The following ITSN2 variants were observed in gnomAD, a reference collection of about 807,000 sequenced individuals.
The protein encoded by ITSN2 is intersectin 2.
In ITSN2, 156 loss-of-function variants were observed where a neutral mutation model predicts 243.7. The ratio of observed to expected loss-of-function variants is 0.64; its 90% CI spans 0.56 to 0.73. The LOEUF (loss-of-function observed/expected upper bound fraction) is 0.73, where lower values mean the gene tolerates loss of function less well. Ranked by LOEUF, ITSN2 falls within the 30% of genes least tolerant of loss-of-function variation. The pLI is 0.00. For missense variants in ITSN2, 1,801 were observed against 1,996.1 expected, an observed-to-expected ratio of 0.90 and a Z score of 1.86; for synonymous variants, 703 against 699.9, an observed-to-expected ratio of 1.00 and a Z score of -0.07.
At chr2:24,294,528 G>A (rs1680693260) in intron 14 of ITSN2, among the ~76,000 whole-genome samples, 1 of 152,172 alleles carries the variant, frequency 6.6e-6, no homozygotes, top group African/African-American at 2.4e-5. Context: ...TTAATTGCCA[G>A]TCCATGCAGT....
At chr2:24,290,802 T>C (rs1680150313) in intron 15 of ITSN2, among the ~76,000 whole-genome samples, 1 of 152,218 alleles carries the variant, frequency 6.6e-6, no homozygotes. Flanking sequence ...CTAGACTCTA[T>C]TCAATTCCAT....
chr2:24,305,139 T>C (rs559426738), intron 8 of ITSN2, among the ~76,000 whole-genome samples: 2 of 152,338 alleles, frequency 1.3e-5, no homozygotes, highest in African/African-American at 4.8e-5. Flanking sequence ...CTCTTCATTA[T>C]ATGGGCTCTT....
intron 15 of ITSN2, among the ~76,000 whole-genome samples, chr2:24,292,983 A>T (rs1263001456): frequency 6.6e-6 from 1 of 152,236 alleles, no homozygotes; most frequent in African/African-American, 2.4e-5. Context: ...GTGACATTTT[A>T]GGATACTTTA....
chr2:24,284,706 A>T, intron 17 of ITSN2, 57 bp downstream of exon 17: 1 of 1,038,414 alleles, frequency 9.6e-7, no homozygotes, highest in African/African-American at 1.6e-5. Context: ...GTCTAGTTTT[A>T]AAAAAATAAA....
In ITSN2 at chr2:24,217,227, C is replaced by T. The variant is rs1041925010; in HGVS notation, c.3806+680G>A. ...CTGTGCCACTGCACTCCAGCCTGGG[C>T]GACACAGTGAGACTCCATCTCAAAA... On this transcript the variant is annotated intron_variant, in intron 31 of 39. Transcript: ENST00000355123. 5.4e-5 allele frequency among the ~76,000 whole-genome samples: 8 copies of T among 149,428 alleles called. No individual in the cohort carries two copies. The East Asian group carries it at 1.4e-3, about 26-fold the overall frequency.
At chr2:24,287,824 T>C (rs1378224934) in intron 15 of ITSN2, among the ~76,000 whole-genome samples, 1 of 152,146 alleles carries the variant, frequency 6.6e-6, no homozygotes, top group Non-Finnish European at 1.5e-5. Context: ...TAAATATCTC[T>C]TTACCATTTT....
intron 36 of ITSN2, among the ~76,000 whole-genome samples, chr2:24,208,629 G>GC (rs1252162505): frequency 2.6e-5 from 4 of 152,208 alleles, no homozygotes; most frequent in East Asian, 3.9e-4. Flanking sequence ...AGGAGCAGCA[G>GC]CACCCCCCGG....
In ITSN2 at chr2:24,261,207, T is replaced by A. The variant is rs767013020; in HGVS notation, c.2581A>T (p.Asn861Tyr). Residue 861 changes from asparagine (N) to tyrosine (Y), a missense_variant, in exon 22 of 40, where the codon AAT becomes TAT. Transcript: ENST00000355123. ...NQPASVTDYQ[N>Y]VSFSNLTVNT... Reference sequence around the variant, plus strand: ...ACAGTTAGGTTTGAAAAAGATACATTTTGATAATCAGTCACTGATGCTGGT... The same window carrying A: ...ACAGTTAGGTTTGAAAAAGATACATATTGATAATCAGTCACTGATGCTGGT... 1.9e-6 allele frequency: 3 copies of A among 1,612,930 alleles called. No homozygotes were observed. In the African/African-American group the frequency reaches 4.0e-5, roughly 22 times the overall value.
At chr2:24,342,990 C>T (rs1687183850) in intron 1 of ITSN2, among the ~76,000 whole-genome samples, 1 of 151,166 alleles carries the variant, frequency 6.6e-6, no homozygotes, top group East Asian at 1.9e-4. Flanking sequence ...ACTCAGGAGG[C>T]TGAGGAGGGA....
chr2:24,293,767 C>A lies in ITSN2; in HGVS notation c.1644G>T (p.Gln548His), dbSNP rs1680590085. The A allele has an allele frequency of 1.0e-6, 1 of 973,710 alleles. No individual in the cohort carries two copies. Among genetic ancestry groups the A allele is most frequent in the South Asian group, 1.6e-5 (1 of 62,746 alleles). 60.3% of individuals were successfully genotyped at this position (973,710 alleles called of 1,614,324 possible). A position where few individuals can be genotyped will look rare whatever the true frequency, so the allele number is the denominator to read the frequency against. ...CAGGTACCAGATAGATAAGCTTATT[C>A]TGATATTCCTTATAAAAAGAAAAAA... Reference protein sequence around the residue: ...KQLQQELQEYQNKLIYLVPEK... With the variant: ...KQLQQELQEYHNKLIYLVPEK... Residue 548 changes from glutamine to histidine, a missense_variant, in exon 15 of 40, where the codon CAG (glutamine) becomes CAT (histidine). By Grantham distance (24) the Gln-to-His change is conservative. This residue lies in a region of ITSN2 where 787 missense variants were observed against 803.9 expected (regional missense o/e 0.98). Coordinates refer to ENST00000355123, the MANE Select transcript of ITSN2 (RefSeq NM_006277.3).
intron 1 of ITSN2, among the ~76,000 whole-genome samples, chr2:24,349,637 A>T (rs1024010593): frequency 6.6e-6 from 1 of 152,076 alleles, no homozygotes; most frequent in Non-Finnish European, 1.5e-5. Flanking sequence ...TTCCCAAACT[A>T]TTTTTTTAAA....
At chr2:24,312,952 C>T (rs974489506) in intron 4 of ITSN2, among the ~76,000 whole-genome samples, 5 of 151,836 alleles carry the variant, frequency 3.3e-5, no homozygotes, top group Admixed American at 1.3e-4. Context: ...AAATTTTTCT[C>T]AATGATAATG....
rs149358675 is a variant in ITSN2 at position 24,271,033 on chromosome 2, A to G, written c.2258-265T>C. 6.8e-4 allele frequency among the ~76,000 whole-genome samples: 103 copies of G among 152,280 alleles called. No individual in the cohort carries two copies. The East Asian group carries it at 0.017, about 26-fold the overall frequency. ...TGAAGCACACACATGGGTAGAAAGGAAAGTGCAGGAGTGGGGGCCAGGCTG... is the reference window on the plus strand; with the variant it reads ...TGAAGCACACACATGGGTAGAAAGGGAAGTGCAGGAGTGGGGGCCAGGCTG... On this transcript the variant is annotated intron_variant, in intron 19 of 39. Transcript: ENST00000355123.
intron 8 of ITSN2, among the ~76,000 whole-genome samples, chr2:24,304,498 T>A (rs1171331152): frequency 6.6e-6 from 1 of 152,226 alleles, no homozygotes; most frequent in Non-Finnish European, 1.5e-5. Flanking sequence ...TCTATTTTTT[T>A]AATCTGGACA....
chr2:24,222,723 G>A (rs1670599971), intron 29 of ITSN2, among the ~76,000 whole-genome samples: 1 of 141,100 alleles, frequency 7.1e-6, no homozygotes, highest in Admixed American at 7.4e-5. Context: ...CAGCCAGGCT[G>A]GAGTGCAATG....
At chr2:24,282,939 C>G (rs973160057) in intron 17 of ITSN2, among the ~76,000 whole-genome samples, 28 of 151,712 alleles carry the variant, frequency 1.8e-4, no homozygotes, top group African/African-American at 5.3e-4. Context: ...TCAATTACCA[C>G]AATCTCAATC....
In ITSN2 at chr2:24,284,085, A is replaced by G. The variant is rs141024106; in HGVS notation, c.1944+678T>C. On this transcript the variant is annotated intron_variant, in intron 17 of 39. Transcript: ENST00000355123. The stretch of plus-strand genomic sequence containing the variant: ...CCTATTGCTATCCATTTTAGTACTG[A>G]GTAAAATGTGTAGTCAAAATCTACT... 3.9e-4 allele frequency among the ~76,000 whole-genome samples: 60 copies of G among 152,366 alleles called. 2 individuals carry two copies. In the East Asian group the frequency reaches 0.01, roughly 26 times the overall value.
chr2:24,328,771 C>A (rs1247904642), intron 1 of ITSN2, among the ~76,000 whole-genome samples: 1 of 152,144 alleles, frequency 6.6e-6, no homozygotes, highest in Non-Finnish European at 1.5e-5. Context: ...CCCATAGTAT[C>A]ATTTTTTAAA....
At chr2:24,351,284 C>T (rs562624157) in intron 1 of ITSN2, among the ~76,000 whole-genome samples, 3 of 152,322 alleles carry the variant, frequency 2.0e-5, no homozygotes, top group African/African-American at 7.2e-5. Flanking sequence ...CACGCCTGCC[C>T]CGCTTCTATT....
Sources: gnomAD v4.1 joint callset for allele counts (sites outside exome capture counted in the v4.1 genomes callset) on GRCh38, gnomAD v4.1.1 for gene constraint, gnomAD v4.1.1 regional missense constraint, MANE v1.5 for transcripts, NCBI Gene and HGNC (gene_info 2026-07-23, HGNC 2026-07-21) for gene names.